BORCS5: variants seen among roughly 807,000 people sequenced by gnomAD.
BORCS5 encodes BLOC-1 related complex subunit 5.
In BORCS5, 17 loss-of-function variants were observed where a neutral mutation model predicts 22.1. That is an observed-to-expected ratio of 0.77 (90% CI 0.53 to 1.15). The LOEUF is 1.15. Among genes scored for constraint, BORCS5 ranks in the 50% most tolerant of loss-of-function variants. BORCS5 has a pLI of 0.00. For missense variants in BORCS5, 247 were observed against 253.2 expected, an observed-to-expected ratio of 0.98 and a Z score of 0.17; for synonymous variants, 117 against 99.8, an observed-to-expected ratio of 1.17 and a Z score of -1.03.
rs1943228201 is a variant in BORCS5 at position 12,467,870 on chromosome 12, G to A, written c.*2094G>A. 6.6e-6 allele frequency: 1 copy of A among 152,240 alleles called. No individual in the cohort carries two copies. Among genetic ancestry groups the A allele is most frequent in the South Asian group, 2.1e-4 (1 of 4,828 alleles). The allele number at this position is 152,240 out of a possible 1,614,324, so 9.4% of individuals were successfully genotyped here. A position where few individuals can be genotyped will look rare whatever the true frequency, so the allele number is the denominator to read the frequency against. On this transcript the variant is annotated 3_prime_UTR_variant, in exon 4 of 4. Coordinates refer to ENST00000314565, the MANE Select transcript of BORCS5 (RefSeq NM_058169.6). ...TGTTCCATCACGTGCACGTTACCAT[G>A]GATCTCCTGCACTTGTGGTGTGGGC...
chr12:12,422,817 AC>A (rs1942170258), intron 2 of BORCS5, among the ~76,000 whole-genome samples: 1 of 152,144 alleles, frequency 6.6e-6, no homozygotes. Flanking sequence ...ATGTAAAAAA[AC>A]AAAATATGGA....
rs1056346676 is a variant in BORCS5 at position 12,470,952 on chromosome 12, C to T, written c.*5176C>T. 1.3e-5 allele frequency among the ~76,000 whole-genome samples: 2 copies of T among 152,250 alleles called. No individual in the cohort carries two copies. The highest frequency in any genetic ancestry group is 4.8e-5 in the African/African-American group (2 of 41,560). On this transcript the variant is annotated 3_prime_UTR_variant, in exon 4 of 4. Coordinates refer to ENST00000314565, the MANE Select transcript of BORCS5 (RefSeq NM_058169.6). ...ACCAATCAAGGCTCATTCCTTGAGG[C>T]ATGAGTTATGCGAAAAGCTTTTCTG...
At chr12:12,452,281 TC>T in intron 3 of BORCS5, 2 of 784,724 alleles carry the variant, frequency 2.5e-6, no homozygotes, top group Non-Finnish European at 4.3e-6. Context: ...TGTGTAACAA[TC>T]CCATTCATGT....
chr12:12,405,498 T>G (rs990551368), intron 2 of BORCS5, among the ~76,000 whole-genome samples: 2 of 152,192 alleles, frequency 1.3e-5, no homozygotes, highest in Admixed American at 6.5e-5. Flanking sequence ...ATTTTTTTAT[T>G]ATGATGATTA....
rs1863394632 is a variant in BORCS5, at chr12:12,365,763, GTTCT to G, written c.202+4419_202+4422del. Among the ~76,000 whole-genome samples the G allele has an allele frequency of 2.0e-5, 3 of 152,252 alleles. No homozygotes were observed. In the South Asian group the frequency reaches 6.2e-4, roughly 32 times the overall value. On this transcript the variant is annotated intron_variant, in intron 2 of 3. Transcript: ENST00000314565. ...CCCATGCTTCTACATAATAGCTATT[GTTCT>G]TTCTGTTTTTATAGATTAAAATATT...
At chr12:12,411,175 G>T (rs968253363) in intron 2 of BORCS5, among the ~76,000 whole-genome samples, 6 of 152,152 alleles carry the variant, frequency 3.9e-5, no homozygotes, top group Non-Finnish European at 8.8e-5. Flanking sequence ...TGCAAACAGG[G>T]ACAATTTGAC....
chr12:12,396,436 G>T (rs1941348497), intron 2 of BORCS5, among the ~76,000 whole-genome samples: 1 of 152,218 alleles, frequency 6.6e-6, no homozygotes, highest in African/African-American at 2.4e-5. Flanking sequence ...AGGAGGCCCT[G>T]CGGAGGGTGG....
At chr12:12,422,877 T>TTTTTTTTTTTTTTTTTTTTTTG (rs1303920001) in intron 2 of BORCS5, among the ~76,000 whole-genome samples, 2 of 152,008 alleles carry the variant, frequency 1.3e-5, no homozygotes, top group Non-Finnish European at 2.9e-5. Flanking sequence ...TAATTTTTTT[T>TTTTTTTTTTTTTTTTTTTTTTG]AATGTATCAG....
intron 3 of BORCS5, among the ~76,000 whole-genome samples, chr12:12,436,458 G>C (rs1319099413): frequency 6.6e-6 from 1 of 152,176 alleles, no homozygotes; most frequent in Non-Finnish European, 1.5e-5. Context: ...CACAGTTCTA[G>C]GGGCATAAAG....
rs773394674 is a variant in BORCS5 at position 12,468,784 on chromosome 12, C to G, written c.*3008C>G. 1.4e-4 allele frequency: 21 copies of G among 152,270 alleles called. No homozygotes were observed. The highest frequency in any genetic ancestry group is 2.8e-4 in the Non-Finnish European group (19 of 68,022). The allele number at this position is 152,270 out of a possible 1,614,324, so 9.4% of individuals were successfully genotyped here. A position where few individuals can be genotyped will look rare whatever the true frequency, so the allele number is the denominator to read the frequency against. On this transcript the variant is annotated 3_prime_UTR_variant, in exon 4 of 4. Coordinates refer to ENST00000314565, the MANE Select transcript of BORCS5 (RefSeq NM_058169.6). The stretch of plus-strand genomic sequence containing the variant: ...TGTTGATGAACACAGTCAAATAGGC[C>G]TCTATGTGCAGTCTCCTGGTTTCCC...
chr12:12,386,877 T>C (rs2136051683), intron 2 of BORCS5, among the ~76,000 whole-genome samples: 1 of 151,236 alleles, frequency 6.6e-6, no homozygotes, highest in South Asian at 2.1e-4. Context: ...TGTTGGGTTA[T>C]TATTTTTATG....
intron 2 of BORCS5, among the ~76,000 whole-genome samples, chr12:12,368,637 G>A (rs566082490): frequency 6.6e-6 from 1 of 150,464 alleles, no homozygotes; most frequent in African/African-American, 2.5e-5. Context: ...TAGAGATGGG[G>A]TGTCACTCTG....
intron 3 of BORCS5, among the ~76,000 whole-genome samples, chr12:12,458,578 CTTTT>C (rs57810545): frequency 1.4e-5 from 2 of 139,656 alleles, no homozygotes; most frequent in Non-Finnish European, 3.1e-5. Context: ...CTTTTCTTTC[CTTTT>C]TTTTTTTTTC....
Position 12,389,213 on chromosome 12 carries a change from C to A in BORCS5, c.202+27864C>A, listed in dbSNP as rs528999213. On this transcript the variant is annotated intron_variant, in intron 2 of 3. Coordinates refer to ENST00000314565, the MANE Select transcript of BORCS5 (RefSeq NM_058169.6). ...AGGGCAATGGTGCGATCTCGGCTTACTGCAAACTTTGCCTCCCAGGTTCAA... is the reference window on the plus strand; with the variant it reads ...AGGGCAATGGTGCGATCTCGGCTTAATGCAAACTTTGCCTCCCAGGTTCAA... Among the ~76,000 whole-genome samples the A allele has an allele frequency of 8.4e-5, 12 of 142,068 alleles. No homozygotes were observed. In the East Asian group the frequency reaches 2.0e-3, roughly 24 times the overall value. 93.2% of individuals were successfully genotyped at this position (142,068 alleles called of 152,430 possible).
chr12:12,415,435 A>C (rs1292907642), intron 2 of BORCS5, among the ~76,000 whole-genome samples: 1 of 151,054 alleles, frequency 6.6e-6, no homozygotes, highest in Admixed American at 6.6e-5. Flanking sequence ...CTGCAATCGC[A>C]GGCACTCGGC....
At position 12,406,730 on chromosome 12, in the gene BORCS5, C is replaced by T. The variant is rs556006030; in HGVS notation, c.203-28898C>T. ...CCCTCTTTTATAATCAGTCTTGGTG[C>T]GCCTTGCAAAGCCTACATTTCTAAC... On this transcript the variant is annotated intron_variant, in intron 2 of 3. Coordinates refer to ENST00000314565, the MANE Select transcript of BORCS5 (RefSeq NM_058169.6). Among the ~76,000 whole-genome samples the T allele has an allele frequency of 4.6e-5, 7 of 151,908 alleles. No individual in the cohort carries two copies. The East Asian group carries it at 9.7e-4, about 21-fold the overall frequency.
intron 2 of BORCS5, among the ~76,000 whole-genome samples, chr12:12,408,776 T>C (rs1941649295): frequency 6.6e-6 from 1 of 152,228 alleles, no homozygotes; most frequent in African/African-American, 2.4e-5. Flanking sequence ...AGAAAAATAT[T>C]ATTCAGTCTT....
At chr12:12,419,233 C>T (rs949524389) in intron 2 of BORCS5, among the ~76,000 whole-genome samples, 3 of 152,132 alleles carry the variant, frequency 2.0e-5, no homozygotes, top group Non-Finnish European at 2.9e-5. Context: ...TATGATGTTC[C>T]CCGCCCTGTG....
In BORCS5 at chr12:12,465,792, C is replaced by G; in HGVS notation, c.*16C>G. Reference sequence around the variant, plus strand: ...CAGGCTGTAGCTGCTGCCCGGCCTGCCTGGGGCTGGGAGCCCCAGACACCG... The same window carrying G: ...CAGGCTGTAGCTGCTGCCCGGCCTGGCTGGGGCTGGGAGCCCCAGACACCG... On this transcript the variant is annotated 3_prime_UTR_variant, in exon 4 of 4. Transcript: ENST00000314565. The G allele has an allele frequency of 6.2e-7, 1 of 1,601,098 alleles. No individual in the cohort carries two copies. The highest frequency in any genetic ancestry group is 8.5e-7 in the Non-Finnish European group (1 of 1,173,746).
Sources: allele counts gnomAD v4.1 joint callset (sites outside exome capture counted in the v4.1 genomes callset), GRCh38; gene constraint gnomAD v4.1.1; transcripts MANE v1.5; gene names NCBI Gene and HGNC (gene_info 2026-07-23, HGNC 2026-07-21).